VWA5A: variants seen among roughly 807,000 people sequenced by gnomAD.
The protein encoded by VWA5A is von Willebrand factor A domain-containing protein 5A.
Under a neutral mutation model 84.6 loss-of-function variants are expected in VWA5A, and 77 were observed. The ratio of observed to expected loss-of-function variants is 0.91; its 90% CI spans 0.76 to 1.10. VWA5A has a LOEUF of 1.10. Ranked by LOEUF, VWA5A falls within the 50% of genes least tolerant of loss-of-function variation. The pLI is 0.00. For synonymous variants in VWA5A, 334 were observed against 350.1 expected, an observed-to-expected ratio of 0.95 and a Z score of 0.51; for missense variants, 973 against 963.0, an observed-to-expected ratio of 1.01 and a Z score of -0.14.
chr11:124,117,827 C>CTTT lies in VWA5A; in HGVS notation c.200_201insTTT (p.Ala66_Leu67insPhe). 6.2e-7 allele frequency: 1 copy of CTTT among 1,614,088 alleles called. No individual in the cohort carries two copies. The highest frequency in any genetic ancestry group is 1.1e-5 in the South Asian group (1 of 91,084). Reference sequence around the variant, plus strand: ...ACTCTGCTGTTTACAGCTTTGAGGCCTTGGTGGATGGGAAGAAAATTGTAG... The same window carrying CTTT: ...ACTCTGCTGTTTACAGCTTTGAGGCCTTTTTGGTGGATGGGAAGAAAATTGTAG... On this transcript the variant is annotated inframe_insertion, in exon 4 of 19. Transcript: ENST00000456829.
intron 16 of VWA5A, among the ~76,000 whole-genome samples, 163 bp from the exon 17 acceptor site, chr11:124,142,278 CA>C (rs1350151811): frequency 6.6e-6 from 1 of 152,226 alleles, no homozygotes. Flanking sequence ...CATCCTTTCA[CA>C]AGTAGGGTTT....
chr11:124,139,225 TTGTGTGTGTGTG>T (rs113893702), intron 15 of VWA5A, among the ~76,000 whole-genome samples: 1 of 147,324 alleles, frequency 6.8e-6, no homozygotes, highest in African/African-American at 2.5e-5. Flanking sequence ...AGCATTTTGT[TTGTGTGTGTGTG>T]TGTGTGTGTG....
intron 9 of VWA5A, 33 bp from the exon 10 acceptor site, chr11:124,123,627 C>T (rs750404500): frequency 4.0e-5 from 65 of 1,613,918 alleles, no homozygotes; most frequent in Admixed American, 8.3e-5. Context: ...GTTAAGTAAC[C>T]CTCATGTAAC....
intron 11 of VWA5A, chr11:124,124,892 C>A (rs1864995336): frequency 6.6e-6 from 1 of 152,172 alleles, no homozygotes; most frequent in South Asian, 2.1e-4. Context: ...TTGAGAGATT[C>A]ATATACATTT....
intron 17 of VWA5A, among the ~76,000 whole-genome samples, chr11:124,144,034 C>A (rs1196509453): frequency 6.6e-6 from 1 of 151,920 alleles, no homozygotes. Flanking sequence ...GCTCTGAATT[C>A]TCTGGAGGTC....
At chr11:124,135,284 G>A (rs1046934450) in intron 12 of VWA5A, among the ~76,000 whole-genome samples, 4 of 152,134 alleles carry the variant, frequency 2.6e-5, no homozygotes, top group African/African-American at 7.2e-5. Flanking sequence ...ATGCTGACAG[G>A]GATCTGGGCC....
intron 8 of VWA5A, 29 bp from the exon 9 acceptor site, chr11:124,123,337 T>A: frequency 6.2e-7 from 1 of 1,603,606 alleles, no homozygotes; most frequent in Non-Finnish European, 8.5e-7. Context: ...CCTCTCTCAC[T>A]CTGTCTCTTC....
rs76749140 is a variant in VWA5A, at chr11:124,123,922, A to G, written c.1164+118A>G. 1.1e-3 allele frequency: 1,463 copies of G among 1,358,742 alleles called. 15 individuals are homozygous for G. The African/African-American group carries it at 0.019, about 18-fold the overall frequency. 84.2% of individuals were successfully genotyped at this position (1,358,742 alleles called of 1,614,324 possible). On this transcript the variant is annotated intron_variant, in intron 10 of 18. Coordinates refer to ENST00000456829, the MANE Select transcript of VWA5A (RefSeq NM_001130142.2). ...AGTTTGCAATTCACAGTCTTCTATCATATAGTAAACAGAAAAAAAAAAGAT... is the reference window on the plus strand; with the variant it reads ...AGTTTGCAATTCACAGTCTTCTATCGTATAGTAAACAGAAAAAAAAAAGAT...
intron 15 of VWA5A, among the ~76,000 whole-genome samples, chr11:124,137,616 A>G (rs1565621315): frequency 6.6e-6 from 1 of 152,246 alleles, no homozygotes; most frequent in Non-Finnish European, 1.5e-5. Context: ...TAAAGTGTAC[A>G]GTCCAATGGG....
chr11:124,138,353 T>C (rs1860656288), intron 15 of VWA5A, among the ~76,000 whole-genome samples: 1 of 152,110 alleles, frequency 6.6e-6, no homozygotes, highest in Admixed American at 6.5e-5. Flanking sequence ...ATTTTTAACA[T>C]TTTAAGGAGC....
At chr11:124,117,383 T>G in intron 2 of VWA5A, 114 bp from the exon 3 acceptor site, 6 of 1,068,958 alleles carry the variant, frequency 5.6e-6, no homozygotes, top group Non-Finnish European at 8.6e-6. Context: ...ACTTCCTAAC[T>G]CCAACATTAA....
intron 11 of VWA5A, among the ~76,000 whole-genome samples, chr11:124,127,363 T>G (rs1865034046): frequency 6.6e-6 from 1 of 152,238 alleles, no homozygotes; most frequent in Non-Finnish European, 1.5e-5. Context: ...TTTTTATGGC[T>G]GCATAGTATT....
Position 124,146,197 on chromosome 11 carries a change from A to G in VWA5A, c.*252A>G, listed in dbSNP as rs1187470967. On this transcript the variant is annotated 3_prime_UTR_variant, in exon 19 of 19. Coordinates refer to ENST00000456829, the MANE Select transcript of VWA5A (RefSeq NM_001130142.2). ...TCCCTTTCTTGAGGGAGTTCAAAAC[A>G]TTCATAGGCAGTAATGTTCCTCCCA... 1 of 348,554 alleles carries G rather than the reference A, an allele frequency of 2.9e-6. No homozygotes were observed. The highest frequency in any genetic ancestry group is 5.2e-6 in the Non-Finnish European group (1 of 191,042). The allele number at this position is 348,554 out of a possible 1,614,324, so 21.6% of individuals were successfully genotyped here.
At chr11:124,125,158 C>T in intron 11 of VWA5A, among the ~76,000 whole-genome samples, 1 of 152,140 alleles carries the variant, frequency 6.6e-6, no homozygotes. Flanking sequence ...AACATTTTTC[C>T]AAATGATTGT....
In VWA5A at chr11:124,136,677, G is replaced by A. The variant is rs963470553; in HGVS notation, c.1625+3G>A. 1.6e-5 allele frequency: 26 copies of A among 1,607,780 alleles called. No homozygotes were observed. The highest frequency in any genetic ancestry group is 2.1e-5 in the Non-Finnish European group (25 of 1,176,250). On this transcript the variant is annotated splice_donor_region_variant and intron_variant, in intron 14 of 18. Transcript: ENST00000456829. ...CTACAACCCAAGCCTGATGTCAAGT[G>A]AGAATTCAGTTTTCCCTTCCTTCCT...
chr11:124,139,098 T>C (rs1432106181), intron 15 of VWA5A, among the ~76,000 whole-genome samples: 1 of 152,210 alleles, frequency 6.6e-6, no homozygotes, highest in African/African-American at 2.4e-5. Context: ...TGTGGATTTA[T>C]TTCTGGGCTC....
At position 124,136,290 on chromosome 11, in the gene VWA5A, G is replaced by A. The variant is rs1381741075; in HGVS notation, c.1521G>A (p.Met507Ile). Residue 507 changes from methionine to isoleucine, a missense_variant, in exon 13 of 19, where the codon ATG (methionine) becomes ATA (isoleucine). Met to Ile is a conservative substitution (Grantham distance 10). Transcript: ENST00000456829. Reference sequence around the variant, plus strand: ...GCTATGCCCAGCTGACCGGGAGGATGCCAGTGAGTTCCCATTCTTATTTGT... The same window carrying A: ...GCTATGCCCAGCTGACCGGGAGGATACCAGTGAGTTCCCATTCTTATTTGT... The part of the protein sequence containing the change: ...LISYAQLTGR[M>I]PAAETTGEVC... 1 of 1,611,946 alleles carries A rather than the reference G, an allele frequency of 6.2e-7. No homozygotes were observed. Among genetic ancestry groups the A allele is most frequent in the African/African-American group, 1.3e-5 (1 of 74,870 alleles).
In VWA5A at chr11:124,147,324, A is replaced by T. The variant is rs1157570262; in HGVS notation, c.*1379A>T. The T allele has an allele frequency of 6.6e-6, 1 of 152,250 alleles. No homozygotes were observed. Among genetic ancestry groups the T allele is most frequent in the Non-Finnish European group, 1.5e-5 (1 of 68,050 alleles). The allele number at this position is 152,250 out of a possible 1,614,324, so 9.4% of individuals were successfully genotyped here. ...ATGATTTCACCCTCAGGCACTTAAT[A>T]TCCTCATCTGTAAAACTAAGGGATT... On this transcript the variant is annotated 3_prime_UTR_variant, in exon 19 of 19. Transcript: ENST00000456829.
At chr11:124,118,944 A>C in intron 6 of VWA5A, 31 bp from the exon 7 acceptor site, 5 of 1,603,644 alleles carry the variant, frequency 3.1e-6, no homozygotes, top group Non-Finnish European at 4.3e-6. Context: ...TTATGATTCT[A>C]ATGTGGCTCC....
Sources: allele counts gnomAD v4.1 joint callset (sites outside exome capture counted in the v4.1 genomes callset), GRCh38; gene constraint gnomAD v4.1.1; transcripts MANE v1.5; gene names NCBI Gene and HGNC (gene_info 2026-07-23, HGNC 2026-07-21).